Variants in NRG3 observed in about 807,000 individuals in gnomAD.
NRG3 encodes neuregulin 3.
A neutral mutation model predicts 66.9 loss-of-function variants in NRG3; 31 were observed. That is an observed-to-expected ratio of 0.46 (90% CI 0.35 to 0.63). The LOEUF (loss-of-function observed/expected upper bound fraction) is 0.63. Among genes scored for constraint, NRG3 ranks in the 20% least tolerant of loss-of-function variants. The pLI is 0.00. For synonymous variants in NRG3, 393 were observed against 359.4 expected (o/e 1.09, Z -1.06); for missense variants, 910 against 878.9 (o/e 1.04, Z -0.45).
intron 2 of NRG3, among the ~76,000 whole-genome samples, chr10:82,566,252 G>C (rs139307062): frequency 1.3e-5 from 2 of 151,966 alleles, no homozygotes; most frequent in African/African-American, 4.8e-5. Flanking sequence ...TGCTTGTTAA[G>C]TGTTCAATAG....
intron 1 of NRG3, among the ~76,000 whole-genome samples, chr10:81,988,146 A>G (rs897854364): frequency 1.3e-5 from 2 of 152,216 alleles, no homozygotes; most frequent in Non-Finnish European, 2.9e-5. Flanking sequence ...TAGTGTTTTG[A>G]TATTTAATTT....
At chr10:82,702,122 G>A (rs1048096198) in intron 2 of NRG3, among the ~76,000 whole-genome samples, 2 of 152,172 alleles carry the variant, frequency 1.3e-5, no homozygotes, top group African/African-American at 4.8e-5. Context: ...GCTTTGAAGA[G>A]TGGGTCACAA....
chr10:82,384,043 T>C (rs561450546), intron 2 of NRG3, among the ~76,000 whole-genome samples: 2 of 152,208 alleles, frequency 1.3e-5, no homozygotes, highest in African/African-American at 4.8e-5. Context: ...AAATGAAACC[T>C]TTTTGACAGA....
intron 1 of NRG3, among the ~76,000 whole-genome samples, chr10:82,214,309 C>T (rs1407169351): frequency 6.6e-6 from 1 of 152,078 alleles, no homozygotes; most frequent in African/African-American, 2.4e-5. Context: ...ACTATGGCCA[C>T]CTTTAGGTCA....
At chr10:82,920,468 A>G (rs1846318417) in intron 4 of NRG3, among the ~76,000 whole-genome samples, 2 of 152,294 alleles carry the variant, frequency 1.3e-5, no homozygotes, top group Middle Eastern at 3.4e-3. Flanking sequence ...GGAAACATTT[A>G]TAGATATGCA....
chr10:81,938,458 T>G (rs1431514713), intron 1 of NRG3, among the ~76,000 whole-genome samples: 1 of 151,794 alleles, frequency 6.6e-6, no homozygotes, highest in Admixed American at 6.6e-5. Flanking sequence ...TGGTTAAGTT[T>G]CTTTTCAAGT....
intron 1 of NRG3, among the ~76,000 whole-genome samples, chr10:82,055,495 A>G (rs61864596): frequency 6.6e-6 from 1 of 151,578 alleles, no homozygotes; most frequent in Non-Finnish European, 1.5e-5. Flanking sequence ...AAAAAAAAGA[A>G]CAACAACAAA....
intron 1 of NRG3, among the ~76,000 whole-genome samples, chr10:82,352,088 A>G (rs965280454): frequency 6.6e-6 from 1 of 152,244 alleles, no homozygotes; most frequent in Non-Finnish European, 1.5e-5. Context: ...TTAAAAGTCC[A>G]TAATTTAGGG....
intron 3 of NRG3, among the ~76,000 whole-genome samples, chr10:82,789,922 A>C (rs2135361931): frequency 6.6e-6 from 1 of 152,198 alleles, no homozygotes; most frequent in African/African-American, 2.4e-5. Flanking sequence ...GAATTCAATA[A>C]ACATTTTTAC....
At chr10:82,631,303 A>G (rs1481969096) in intron 2 of NRG3, among the ~76,000 whole-genome samples, 1 of 152,148 alleles carries the variant, frequency 6.6e-6, no homozygotes, top group Non-Finnish European at 1.5e-5. Flanking sequence ...CCGTCTTGCT[A>G]GATGATCATG....
At chr10:82,898,239 C>T (rs1438476728) in intron 4 of NRG3, among the ~76,000 whole-genome samples, 3 of 152,192 alleles carry the variant, frequency 2.0e-5, no homozygotes, top group Non-Finnish European at 4.4e-5. Flanking sequence ...CTTATTAATC[C>T]ATCCTTTATT....
intron 2 of NRG3, among the ~76,000 whole-genome samples, chr10:82,658,638 A>C (rs2133944163): frequency 6.6e-6 from 1 of 152,244 alleles, no homozygotes; most frequent in South Asian, 2.1e-4. Context: ...ATAATAGAAA[A>C]CCGATTAGTG....
intron 1 of NRG3, among the ~76,000 whole-genome samples, chr10:82,089,004 G>A (rs372841747): frequency 4.7e-5 from 7 of 148,454 alleles, no homozygotes; most frequent in African/African-American, 1.8e-4. Flanking sequence ...TTTTTTTTTT[G>A]TAAAGAATCA....
chr10:82,746,349 C>T (rs917277286), intron 3 of NRG3, among the ~76,000 whole-genome samples: 2 of 152,168 alleles, frequency 1.3e-5, no homozygotes, highest in East Asian at 1.9e-4. Context: ...GGCCACTCTA[C>T]CCACTCTACC....
chr10:82,082,811 A>G (rs1307671141), intron 1 of NRG3, among the ~76,000 whole-genome samples: 1 of 152,226 alleles, frequency 6.6e-6, no homozygotes, highest in Non-Finnish European at 1.5e-5. Flanking sequence ...TGACCCTTCA[A>G]ATATATTATT....
chr10:82,079,890 C>T (rs1419835582), intron 1 of NRG3, among the ~76,000 whole-genome samples: 2 of 152,080 alleles, frequency 1.3e-5, no homozygotes, highest in African/African-American at 4.8e-5. Context: ...TGGTTGCTTC[C>T]AAGTTTTGGG....
intron 2 of NRG3, among the ~76,000 whole-genome samples, chr10:82,401,232 A>T (rs557434115): frequency 9.2e-5 from 14 of 152,298 alleles, no homozygotes; most frequent in African/African-American, 3.1e-4. Flanking sequence ...GTATATGTGC[A>T]TGTATTTATA....
intron 1 of NRG3, among the ~76,000 whole-genome samples, chr10:81,970,865 C>T (rs1166713123): frequency 3.3e-5 from 5 of 152,122 alleles, no homozygotes; most frequent in Admixed American, 6.5e-5. Flanking sequence ...AGTGGCTGGG[C>T]GTGGTGACTC....
At chr10:82,001,302 A>G (rs534982578) in intron 1 of NRG3, among the ~76,000 whole-genome samples, 98 of 152,210 alleles carry the variant, frequency 6.4e-4, no homozygotes, top group Middle Eastern at 6.8e-3. Context: ...CAGGAGTTTG[A>G]GACCAGCCTG....
Sources: gnomAD v4.1 joint callset for allele counts (sites outside exome capture counted in the v4.1 genomes callset) on GRCh38, gnomAD v4.1.1 for gene constraint, MANE v1.5 for transcripts, NCBI Gene and HGNC (gene_info 2026-07-23, HGNC 2026-07-21) for gene names.